Variants in CSMD1 observed in about 807,000 individuals in gnomAD.
CSMD1 encodes CUB and sushi domain-containing protein 1.
A neutral mutation model predicts 417.5 loss-of-function variants in CSMD1; 213 were observed. The observed-to-expected ratio is 0.51, with a 90% CI of 0.46 to 0.57. CSMD1 has a LOEUF of 0.57. Among genes scored for constraint, CSMD1 ranks in the 20% least tolerant of loss-of-function variants. The probability of loss-of-function intolerance (pLI) is 0.00; values close to 1 mark genes in which losing one functional copy is unlikely to be tolerated. For synonymous variants in CSMD1, 2,862 were observed against 1,736.8 expected (o/e 1.65, Z -16.11); for missense variants, 6,923 against 4,529.7 (o/e 1.53, Z -15.17).
chr8:3,821,915 C>T (rs77901718), intron 5 of CSMD1, among the ~76,000 whole-genome samples: 3 of 152,176 alleles, frequency 2.0e-5, no homozygotes, highest in South Asian at 2.1e-4. Flanking sequence ...AAGCTGGATG[C>T]GATGAAGACA....
At chr8:3,251,585 T>G (rs1800264517) in intron 26 of CSMD1, among the ~76,000 whole-genome samples, 1 of 152,318 alleles carries the variant, frequency 6.6e-6, no homozygotes, top group Non-Finnish European at 1.5e-5. Flanking sequence ...AAGTAGTTTT[T>G]TCCAATTCTG....
At chr8:3,789,397 T>TGC in intron 5 of CSMD1, among the ~76,000 whole-genome samples, 1 of 44,706 alleles carries the variant, frequency 2.2e-5, no homozygotes, top group Non-Finnish European at 5.3e-5. Context: ...AGTGTTTTTT[T>TGC]TTTTAAGTAA....
intron 12 of CSMD1, among the ~76,000 whole-genome samples, chr8:3,463,187 G>A (rs1433170530): frequency 1.3e-5 from 2 of 152,142 alleles, no homozygotes; most frequent in Non-Finnish European, 2.9e-5. Context: ...TCGTGACTGG[G>A]CACTGTTCAA....
intron 23 of CSMD1, among the ~76,000 whole-genome samples, chr8:3,339,621 G>C (rs758770784): frequency 1.3e-5 from 2 of 152,162 alleles, no homozygotes; most frequent in African/African-American, 4.8e-5. Flanking sequence ...CTCTCAGAGG[G>C]CTACTCTGAT....
At chr8:4,232,121 T>G (rs1441706175) in intron 3 of CSMD1, among the ~76,000 whole-genome samples, 1 of 152,192 alleles carries the variant, frequency 6.6e-6, no homozygotes, top group Non-Finnish European at 1.5e-5. Context: ...CTTTCAAGAT[T>G]TTCACTTTAC....
chr8:3,826,018 T>G (rs1355537861), intron 5 of CSMD1, among the ~76,000 whole-genome samples: 1 of 152,218 alleles, frequency 6.6e-6, no homozygotes, highest in East Asian at 1.9e-4. Flanking sequence ...CTTGCCTTTT[T>G]CAAAGGCCAA....
At chr8:3,023,905 C>T (rs988262559) in intron 51 of CSMD1, among the ~76,000 whole-genome samples, 11 of 151,082 alleles carry the variant, frequency 7.3e-5, no homozygotes, top group East Asian at 5.9e-4. Context: ...ACCAATGACT[C>T]GGGTGATGCT....
At chr8:3,293,988 G>C (rs931977698) in intron 25 of CSMD1, among the ~76,000 whole-genome samples, 8 of 151,108 alleles carry the variant, frequency 5.3e-5, no homozygotes, top group Non-Finnish European at 1.2e-4. Flanking sequence ...TGATGATGAC[G>C]TACAGATGGG....
At chr8:3,460,573 G>A (rs1816435440) in intron 12 of CSMD1, among the ~76,000 whole-genome samples, 1 of 152,054 alleles carries the variant, frequency 6.6e-6, no homozygotes, top group South Asian at 2.1e-4. Context: ...CCGCCTAGAG[G>A]GGACACTGTG....
chr8:3,869,278 A>C (rs1805317657), intron 5 of CSMD1, among the ~76,000 whole-genome samples: 1 of 152,150 alleles, frequency 6.6e-6, no homozygotes, highest in African/African-American at 2.4e-5. Context: ...TCAAATTGTG[A>C]CACACCACAT....
At chr8:4,822,786 T>A (rs781487757) in intron 1 of CSMD1, among the ~76,000 whole-genome samples, 4 of 152,112 alleles carry the variant, frequency 2.6e-5, no homozygotes, top group Non-Finnish European at 5.9e-5. Flanking sequence ...GGCAATCAAA[T>A]CTTTTTAGAA....
At chr8:4,704,430 G>C (rs375081884) in intron 1 of CSMD1, among the ~76,000 whole-genome samples, 2 of 152,196 alleles carry the variant, frequency 1.3e-5, no homozygotes, top group East Asian at 1.9e-4. Flanking sequence ...GTCTGGCAGA[G>C]ACTAGGATTT....
At chr8:3,229,912 A>G (rs990645135) in intron 27 of CSMD1, 128 bp downstream of exon 27, 1 of 654,200 alleles carries the variant, frequency 1.5e-6, no homozygotes, top group Non-Finnish European at 2.5e-6. Context: ...GGAGTCTCAG[A>G]GAGCCAGAGA....
At chr8:3,410,314 A>T (rs1812606147) in intron 12 of CSMD1, among the ~76,000 whole-genome samples, 1 of 152,178 alleles carries the variant, frequency 6.6e-6, no homozygotes. Context: ...GTTCTAGGTA[A>T]GGGCTTAGTG....
chr8:3,699,331 T>A (rs1432143153), intron 7 of CSMD1, among the ~76,000 whole-genome samples: 1 of 152,236 alleles, frequency 6.6e-6, no homozygotes, highest in Non-Finnish European at 1.5e-5. Flanking sequence ...ATTCTGAAAC[T>A]AGTGTGTTTT....
At chr8:4,839,634 T>G (rs961172966) in intron 1 of CSMD1, among the ~76,000 whole-genome samples, 1 of 152,172 alleles carries the variant, frequency 6.6e-6, no homozygotes, top group Non-Finnish European at 1.5e-5. Context: ...AAGAACTTGT[T>G]CCTCACACAT....
chr8:3,567,123 C>T (rs1042449274), intron 10 of CSMD1, among the ~76,000 whole-genome samples: 1 of 152,106 alleles, frequency 6.6e-6, no homozygotes, highest in Non-Finnish European at 1.5e-5. Context: ...TTGTCCTTTG[C>T]AGGGGCATGG....
At chr8:4,721,040 A>C (rs2116908900) in intron 1 of CSMD1, among the ~76,000 whole-genome samples, 1 of 152,340 alleles carries the variant, frequency 6.6e-6, no homozygotes, top group South Asian at 2.1e-4. Flanking sequence ...AGCATTATTC[A>C]TAAAACCACT....
At chr8:3,835,807 T>A (rs1802659465) in intron 5 of CSMD1, among the ~76,000 whole-genome samples, 1 of 151,802 alleles carries the variant, frequency 6.6e-6, no homozygotes, top group Non-Finnish European at 1.5e-5. Context: ...TTCCTAAGAG[T>A]AATTTTTCAG....
Sources: gnomAD v4.1 joint callset for allele counts (sites outside exome capture counted in the v4.1 genomes callset) on GRCh38, gnomAD v4.1.1 for gene constraint, MANE v1.5 for transcripts, NCBI Gene and HGNC (gene_info 2026-07-23, HGNC 2026-07-21) for gene names.